ANO4: variants seen among roughly 807,000 people sequenced by gnomAD.
ANO4 encodes anoctamin 4, also known as anoctamin-4.
Under a neutral mutation model 141.9 loss-of-function variants are expected in ANO4, and 69 were observed. That is an observed-to-expected ratio of 0.49 (90% CI 0.40 to 0.59). ANO4 has a LOEUF of 0.59. ANO4 is among the 20% of genes least tolerant of loss of function. ANO4 has a pLI of 0.00. For synonymous variants in ANO4, 350 were observed against 394.3 expected, an observed-to-expected ratio of 0.89 and a Z score of 1.33; for missense variants, 894 against 1,162.2, an observed-to-expected ratio of 0.77 and a Z score of 3.36.
chr12:100,728,427 G>A (rs1162449697), intron 1 of ANO4, among the ~76,000 whole-genome samples: 1 of 152,170 alleles, frequency 6.6e-6, no homozygotes, highest in Non-Finnish European at 1.5e-5. Flanking sequence ...AGATACAGGA[G>A]GAACCTGCCT....
At chr12:100,931,713 G>A (rs757854982) in intron 3 of ANO4, among the ~76,000 whole-genome samples, 14 of 152,080 alleles carry the variant, frequency 9.2e-5, no homozygotes, top group Non-Finnish European at 1.2e-4. Flanking sequence ...TTCTAAGAGA[G>A]AAGTAGACAT....
intron 14 of ANO4, among the ~76,000 whole-genome samples, chr12:101,076,315 G>A (rs879381055): frequency 5.9e-5 from 9 of 152,096 alleles, no homozygotes; most frequent in Admixed American, 2.6e-4. Context: ...CAGCTGGCAG[G>A]TGCCATCTAA....
chr12:100,971,798 A>T (rs779211091), intron 6 of ANO4, among the ~76,000 whole-genome samples: 1 of 152,182 alleles, frequency 6.6e-6, no homozygotes, highest in South Asian at 2.1e-4. Flanking sequence ...AAAAACATTA[A>T]AATGTATTTC....
chr12:100,737,872 G>C (rs2031681146), intron 2 of ANO4, among the ~76,000 whole-genome samples: 1 of 152,058 alleles, frequency 6.6e-6, no homozygotes, highest in East Asian at 1.9e-4. Context: ...ACATTTGTGA[G>C]GGTGTTCCAT....
chr12:101,004,417 C>G (rs1395327236), intron 8 of ANO4, among the ~76,000 whole-genome samples: 1 of 152,058 alleles, frequency 6.6e-6, no homozygotes, highest in South Asian at 2.1e-4. Flanking sequence ...CAGCTGGAAA[C>G]TGGAACCAGC....
chr12:100,801,947 C>T (rs2034722585), intron 1 of ANO4, among the ~76,000 whole-genome samples: 1 of 152,178 alleles, frequency 6.6e-6, no homozygotes, highest in South Asian at 2.1e-4. Context: ...AGTCTGTATT[C>T]TGCAGGGAAG....
At chr12:101,080,246 G>A (rs1359296364) in intron 15 of ANO4, among the ~76,000 whole-genome samples, 3 of 152,186 alleles carry the variant, frequency 2.0e-5, no homozygotes, top group African/African-American at 7.2e-5. Context: ...CTTGGTGGGG[G>A]AAGTAATTCT....
At chr12:100,829,413 CT>C (rs1230650212) in intron 1 of ANO4, among the ~76,000 whole-genome samples, 1 of 152,000 alleles carries the variant, frequency 6.6e-6, no homozygotes, top group African/African-American at 2.4e-5. Flanking sequence ...AATAGTTGCT[CT>C]ATAGAAGTTA....
intron 3 of ANO4, among the ~76,000 whole-genome samples, chr12:100,935,304 G>T (rs368066303): frequency 2.0e-5 from 3 of 152,102 alleles, no homozygotes; most frequent in Admixed American, 6.6e-5. Flanking sequence ...AGCATGAAGG[G>T]CTGTTGAATT....
chr12:100,978,151 A>C (rs1477685616), intron 7 of ANO4, among the ~76,000 whole-genome samples: 1 of 152,200 alleles, frequency 6.6e-6, no homozygotes, highest in Admixed American at 6.5e-5. Context: ...GTGGTATTTG[A>C]AGGCAAGGAT....
At chr12:100,853,069 A>C (rs2037965671) in intron 1 of ANO4, among the ~76,000 whole-genome samples, 1 of 152,198 alleles carries the variant, frequency 6.6e-6, no homozygotes. Flanking sequence ...CCTTTGTACA[A>C]CTTTCTAACC....
At chr12:101,082,766 C>T (rs1311761922) in intron 15 of ANO4, among the ~76,000 whole-genome samples, 1 of 151,504 alleles carries the variant, frequency 6.6e-6, no homozygotes, top group African/African-American at 2.5e-5. Context: ...CTTCTGTCAG[C>T]TCGTTCCTTG....
chr12:100,916,315 T>C (rs2041338337), intron 2 of ANO4, among the ~76,000 whole-genome samples: 1 of 152,194 alleles, frequency 6.6e-6, no homozygotes, highest in South Asian at 2.1e-4. Flanking sequence ...ATCTATAATA[T>C]GTCTTTCACA....
intron 9 of ANO4, 92 bp downstream of exon 9, chr12:101,020,232 C>A: frequency 2.4e-6 from 2 of 834,118 alleles, no homozygotes; most frequent in Non-Finnish European, 3.8e-6. Context: ...TCAATTCTAG[C>A]AATGCTTGTC....
intron 11 of ANO4, among the ~76,000 whole-genome samples, chr12:101,040,764 C>T (rs1593099185): frequency 2.6e-5 from 4 of 151,992 alleles, no homozygotes; most frequent in Admixed American, 2.0e-4. Context: ...AGCCCCCCAC[C>T]CCCCATAGGC....
chr12:101,007,124 G>T lies in ANO4; in HGVS notation c.735-12910G>T, dbSNP rs150166826. On this transcript the variant is annotated intron_variant, in intron 8 of 27. Coordinates refer to ENST00000392977, the MANE Select transcript of ANO4 (RefSeq NM_001286615.2). The stretch of plus-strand genomic sequence containing the variant: ...TCCCAGCACTTTAGGAGGCCGAGGT[G>T]GGTGTATCACTTGAGGTCAAGAGTT... Among the ~76,000 whole-genome samples the T allele has an allele frequency of 7.8e-3, 1,190 of 152,300 alleles. 17 individuals carry two copies. The highest frequency in any genetic ancestry group is 0.024 in the South Asian group (117 of 4,822).
At chr12:100,824,659 C>T (rs1449864692) in intron 1 of ANO4, among the ~76,000 whole-genome samples, 3 of 151,922 alleles carry the variant, frequency 2.0e-5, no homozygotes, top group Non-Finnish European at 4.4e-5. Context: ...TCCAAAACAC[C>T]CAAATGTGTG....
At chr12:100,919,736 G>C (rs34616600) in intron 2 of ANO4, among the ~76,000 whole-genome samples, 6,619 of 132,930 alleles carry the variant, frequency 0.05, 165 homozygotes, top group Non-Finnish European at 0.054. Context: ...GTGTATGTAT[G>C]TATCTATCTA....
intron 1 of ANO4, among the ~76,000 whole-genome samples, chr12:100,871,388 T>C (rs1041964520): frequency 2.0e-5 from 3 of 152,210 alleles, no homozygotes; most frequent in Non-Finnish European, 4.4e-5. Context: ...CCCTGCAGTT[T>C]ACAGCATGAA....
Sources: allele counts gnomAD v4.1 joint callset (sites outside exome capture counted in the v4.1 genomes callset), GRCh38; gene constraint gnomAD v4.1.1; transcripts MANE v1.5; gene names NCBI Gene and HGNC (gene_info 2026-07-23, HGNC 2026-07-21).